Variants in STKLD1 observed in about 807,000 individuals in gnomAD.
The protein encoded by STKLD1 is serine/threonine kinase-like domain-containing protein STKLD1.
In STKLD1, 79 loss-of-function variants were observed where a neutral mutation model predicts 80.4. The ratio of observed to expected loss-of-function variants is 0.98; its 90% CI spans 0.82 to 1.19. STKLD1 has a LOEUF of 1.19. Among genes scored for constraint, STKLD1 ranks in the 50% most tolerant of loss-of-function variants. STKLD1 has a pLI of 0.00. For missense variants in STKLD1, 841 were observed against 856.0 expected (o/e 0.98, Z 0.22); for synonymous variants, 393 against 357.6 (o/e 1.10, Z -1.12).
In STKLD1 at chr9:133,404,017, C is replaced by A. The variant is rs781849672; in HGVS notation, c.1701C>A (p.Tyr567Ter). 3 of 1,611,060 alleles carry A rather than the reference C, an allele frequency of 1.9e-6. No homozygotes were observed. Among genetic ancestry groups the A allele is most frequent in the Non-Finnish European group, 2.5e-6 (3 of 1,178,982 alleles). Residue 567 changes from tyrosine to a stop codon, truncating the protein, a stop_gained, in exon 16 of 18, where the codon TAC (tyrosine) becomes TAA (stop). Coordinates refer to ENST00000371957, the MANE Select transcript of STKLD1 (RefSeq NM_153710.5). LOFTEE classifies it high-confidence loss of function. ...GAGCCCTGCTGGTGAACAATGCCTA[C>A]CGGGGACTGGCCAGCCTGGTGAAGG... Reference protein sequence around the residue: ...QDRALLVNNAYRGLASLVKVS... With the variant: ...QDRALLVNNA
At chr9:133,377,470 A>G (rs2130254365) in intron 1 of STKLD1, among the ~76,000 whole-genome samples, 3 of 152,348 alleles carry the variant, frequency 2.0e-5, no homozygotes, top group East Asian at 1.9e-4. Context: ...GTTCAAGACC[A>G]GCCTGACCAA....
At chr9:133,388,499 G>A (rs1329857049) in intron 5 of STKLD1, among the ~76,000 whole-genome samples, 5 of 152,016 alleles carry the variant, frequency 3.3e-5, no homozygotes, top group Non-Finnish European at 5.9e-5. Context: ...CACCCGCCTC[G>A]GCCTCCCAGA....
intron 1 of STKLD1, among the ~76,000 whole-genome samples, chr9:133,378,068 C>T (rs2130256639): frequency 3.9e-5 from 6 of 152,248 alleles, no homozygotes; most frequent in South Asian, 2.1e-4. Flanking sequence ...GGTGGTAATG[C>T]GAGCCATGGG....
Position 133,385,404 on chromosome 9 carries a change from C to T in STKLD1, c.220-213C>T, listed in dbSNP as rs1482346392. On this transcript the variant is annotated intron_variant, in intron 3 of 17. Coordinates refer to ENST00000371957, the MANE Select transcript of STKLD1 (RefSeq NM_153710.5). This position sits in a 1 kb window ranked among gnomAD's most constrained non-coding sequence, Gnocchi z 4.9. ...CCATTTTCAGATGACTATATGAGGC[C>T]CAGTCACCCAGCACAGCCAGCTCAT... Among the ~76,000 whole-genome samples the T allele has an allele frequency of 6.6e-6, 1 of 152,176 alleles. No individual in the cohort carries two copies. Among genetic ancestry groups the T allele is most frequent in the African/African-American group, 2.4e-5 (1 of 41,430 alleles).
intron 12 of STKLD1, among the ~76,000 whole-genome samples, chr9:133,401,127 A>C (rs879570314): frequency 8.4e-6 from 1 of 118,944 alleles, no homozygotes; most frequent in African/African-American, 3.9e-5. Flanking sequence ...TTTTTGAAAC[A>C]AAAAGTATTT....
rs1398751376 is a variant in STKLD1, at chr9:133,385,376, C to T, written c.220-241C>T. 6.6e-6 allele frequency among the ~76,000 whole-genome samples: 1 copy of T among 152,150 alleles called. No homozygotes were observed. Among genetic ancestry groups the T allele is most frequent in the Non-Finnish European group, 1.5e-5 (1 of 68,020 alleles). On this transcript the variant is annotated intron_variant, in intron 3 of 17. Coordinates refer to ENST00000371957, the MANE Select transcript of STKLD1 (RefSeq NM_153710.5). The surrounding 1 kb of genome is among the most constrained non-coding windows in gnomAD (Gnocchi z 4.9). ...CCCTGTGAGGCAGATTCCACTAGGA[C>T]CCCCATTTTCAGATGACTATATGAG...
intron 9 of STKLD1, 183 bp downstream of exon 9, chr9:133,395,946 GT>G (rs1838551051): frequency 3.2e-6 from 2 of 617,200 alleles, no homozygotes; most frequent in Admixed American, 6.0e-5. Context: ...GCTGCGGCGA[GT>G]AATCCCGAAT....
intron 10 of STKLD1, 52 bp from the exon 11 acceptor site, chr9:133,397,920 C>T: frequency 6.6e-7 from 1 of 1,504,416 alleles, no homozygotes; most frequent in Non-Finnish European, 9.2e-7. Flanking sequence ...AAACAGAGCC[C>T]CGAGGCCCTG....
intron 7 of STKLD1, among the ~76,000 whole-genome samples, chr9:133,392,557 G>A (rs983181525): frequency 2.3e-4 from 33 of 145,966 alleles, no homozygotes; most frequent in Middle Eastern, 3.6e-3. Flanking sequence ...ATGGATGAGT[G>A]GATGGATGAA....
At chr9:133,404,572 T>C (rs1266778950) in intron 16 of STKLD1, among the ~76,000 whole-genome samples, 1 of 152,168 alleles carries the variant, frequency 6.6e-6, no homozygotes, top group East Asian at 1.9e-4. Flanking sequence ...CAACGACCCC[T>C]TTGGCTCTGG....
chr9:133,390,669 T>G lies in STKLD1; in HGVS notation c.468-12T>G, dbSNP rs2130286933. The G allele has an allele frequency of 1.2e-6, 2 of 1,611,202 alleles. No homozygotes were observed. The highest frequency in any genetic ancestry group is 1.7e-6 in the Non-Finnish European group (2 of 1,177,962). ...CTTGGCATCCAGAGGCAAACCCACC[T>G]CTTGGTTTCAGGAATCTCAAACCCT... On this transcript the variant is annotated splice_polypyrimidine_tract_variant and intron_variant, in intron 6 of 17. Transcript: ENST00000371957. This position sits in a 1 kb window ranked among gnomAD's most constrained non-coding sequence, Gnocchi z 5.1.
At chr9:133,388,229 C>A (rs995427943) in intron 5 of STKLD1, among the ~76,000 whole-genome samples, 1 of 152,144 alleles carries the variant, frequency 6.6e-6, no homozygotes, top group African/African-American at 2.4e-5. Context: ...TGGAGGCCAG[C>A]ACTTCATTGT....
At chr9:133,387,241 T>A (rs2130279060) in intron 4 of STKLD1, among the ~76,000 whole-genome samples, 1 of 151,416 alleles carries the variant, frequency 6.6e-6, no homozygotes, top group South Asian at 2.1e-4. Context: ...GGATGGAGTG[T>A]GGAGTGGAGG....
intron 1 of STKLD1, among the ~76,000 whole-genome samples, chr9:133,377,203 G>A (rs1051645293): frequency 7.2e-5 from 11 of 151,864 alleles, no homozygotes; most frequent in Non-Finnish European, 1.6e-4. Flanking sequence ...AATTTTTAAA[G>A]TAAAGTTGTT....
rs2130287625 is a variant in STKLD1 at position 133,390,830 on chromosome 9, GGTTGGCGCCTAGAATCCAGGCGGC to G, written c.583+41_583+64del. On this transcript the variant is annotated intron_variant, in intron 7 of 17. Transcript: ENST00000371957. The surrounding 1 kb of genome is among the most constrained non-coding windows in gnomAD (Gnocchi z 5.1). ...GGCTCCCCCAGGTTGTGGGAGAGGG[GGTTGGCGCCTAGAATCCAGGCGGC>G]GTTGGCCACTCTGGGTGCTGGAGTG... The G allele has an allele frequency of 6.4e-7, 1 of 1,564,484 alleles. No individual in the cohort carries two copies. Among genetic ancestry groups the G allele is most frequent in the South Asian group, 1.1e-5 (1 of 90,032 alleles).
intron 5 of STKLD1, 69 bp downstream of exon 5, chr9:133,387,617 C>A: frequency 7.9e-7 from 1 of 1,264,950 alleles, no homozygotes; most frequent in Non-Finnish European, 1.2e-6. Flanking sequence ...CGGTGCAGGG[C>A]AAAGTAACAG....
At chr9:133,392,639 ATAGG>A (rs1440101816) in intron 7 of STKLD1, among the ~76,000 whole-genome samples, 7 of 65,278 alleles carry the variant, frequency 1.1e-4, no homozygotes, top group South Asian at 6.4e-4. Flanking sequence ...GGATGGATGG[ATAGG>A]TGGGTGGGTG....
chr9:133,377,585 C>G (rs917802920), intron 1 of STKLD1, among the ~76,000 whole-genome samples: 1 of 152,146 alleles, frequency 6.6e-6, no homozygotes, highest in African/African-American at 2.4e-5. Flanking sequence ...ATCGCTTGAA[C>G]CCAGGAGGCA....
chr9:133,399,863 A>T (rs1469422368), intron 11 of STKLD1, among the ~76,000 whole-genome samples: 2 of 137,932 alleles, frequency 1.4e-5, no homozygotes, highest in East Asian at 4.6e-4. Flanking sequence ...TAGGCGACAG[A>T]GTGAGACTCT....
Sources: allele counts gnomAD v4.1 joint callset (sites outside exome capture counted in the v4.1 genomes callset), GRCh38; gene constraint gnomAD v4.1.1; non-coding constraint Gnocchi (gnomAD v3.1); transcripts MANE v1.5; gene names NCBI Gene and HGNC (gene_info 2026-07-23, HGNC 2026-07-21).